Variants in KHDRBS2 observed in about 807,000 individuals in gnomAD.
The protein encoded by KHDRBS2 is KH domain-containing, RNA-binding, signal transduction-associated protein 2.
Under a neutral mutation model 44.3 loss-of-function variants are expected in KHDRBS2, and 26 were observed. The observed-to-expected ratio is 0.59, with a 90% CI of 0.43 to 0.81. The LOEUF (loss-of-function observed/expected upper bound fraction) is 0.81. KHDRBS2 is among the 40% of genes least tolerant of loss of function. KHDRBS2 has a pLI of 0.00. For missense variants in KHDRBS2, 476 were observed against 433.1 expected (o/e 1.10, Z -0.88); for synonymous variants, 194 against 151.1 (o/e 1.28, Z -2.08).
chr6:61,724,011 A>C (rs753394599), intron 7 of KHDRBS2, among the ~76,000 whole-genome samples: 3 of 152,150 alleles, frequency 2.0e-5, no homozygotes, highest in African/African-American at 4.8e-5. Context: ...GCACATAATC[A>C]TCAGATTTTC....
intron 2 of KHDRBS2, among the ~76,000 whole-genome samples, chr6:62,170,932 G>A (rs1463268832): frequency 2.7e-5 from 4 of 146,728 alleles, no homozygotes; most frequent in African/African-American, 1.0e-4. Context: ...AAATGCCAAG[G>A]GCATCAAAGA....
chr6:62,042,571 C>T (rs899883319), intron 3 of KHDRBS2, among the ~76,000 whole-genome samples: 16 of 152,088 alleles, frequency 1.1e-4, no homozygotes, highest in African/African-American at 3.9e-4. Flanking sequence ...GACTTCACCC[C>T]TTCAGGATTT....
chr6:61,581,024 T>A, the KHDRBS2 span, among the ~76,000 whole-genome samples: 2 of 152,184 alleles, frequency 1.3e-5, no homozygotes, highest in Non-Finnish European at 2.9e-5. Context: ...GCACTTTAAA[T>A]CTACGTTATC....
chr6:62,060,451 G>A (rs778298891), intron 2 of KHDRBS2, among the ~76,000 whole-genome samples: 1 of 151,806 alleles, frequency 6.6e-6, no homozygotes, highest in African/African-American at 2.4e-5. Context: ...ATAGATGGGA[G>A]TAATTTAGAG....
chr6:62,047,888 T>C lies in KHDRBS2; in HGVS notation c.326A>G (p.Asp109Gly). The change falls in exon 3 of 9, where the codon GAT (aspartate) becomes GGT (glycine). Residue 109 changes from aspartate to glycine, a missense_variant. Transcript: ENST00000281156. ...TTCAAAGTTCAGTACCTTAGCTTTATCTCTCATTGATCCTTTGCCCAGGAT... is the reference window on the plus strand; with the variant it reads ...TTCAAAGTTCAGTACCTTAGCTTTACCTCTCATTGATCCTTTGCCCAGGAT... ...MSILGKGSMR[D>G]KAKEEELRKS... 2 of 1,600,642 alleles carry C rather than the reference T, an allele frequency of 1.2e-6. No homozygotes were observed. The highest frequency in any genetic ancestry group is 1.7e-6 in the Non-Finnish European group (2 of 1,168,224).
chr6:62,115,262 C>T (rs1805944497), intron 2 of KHDRBS2, among the ~76,000 whole-genome samples: 1 of 152,130 alleles, frequency 6.6e-6, no homozygotes, highest in Non-Finnish European at 1.5e-5. Context: ...TGAGGCCATA[C>T]ATAAGAGCCA....
chr6:62,124,794 AT>A (rs1562920269), intron 2 of KHDRBS2, among the ~76,000 whole-genome samples: 1 of 152,068 alleles, frequency 6.6e-6, no homozygotes, highest in South Asian at 2.1e-4. Context: ...TCAATTTTTA[AT>A]TTTTTTAATA....
chr6:61,743,524 G>A (rs1776438941), intron 6 of KHDRBS2, among the ~76,000 whole-genome samples: 1 of 151,708 alleles, frequency 6.6e-6, no homozygotes, highest in African/African-American at 2.4e-5. Context: ...ACACAATTTG[G>A]GATTTTACCT....
chr6:62,061,300 A>C (rs1791793032), intron 2 of KHDRBS2, among the ~76,000 whole-genome samples: 1 of 151,768 alleles, frequency 6.6e-6, no homozygotes, highest in Non-Finnish European at 1.5e-5. Flanking sequence ...ATGATTTTGC[A>C]GCGGCTGGTA....
At chr6:61,584,490 T>A in the KHDRBS2 span, among the ~76,000 whole-genome samples, 3 of 151,874 alleles carry the variant, frequency 2.0e-5, no homozygotes, top group African/African-American at 7.2e-5. Flanking sequence ...ATTAACTATA[T>A]TGGCTGATTT....
At chr6:61,725,134 T>C (rs768531593) in intron 7 of KHDRBS2, among the ~76,000 whole-genome samples, 1 of 152,016 alleles carries the variant, frequency 6.6e-6, no homozygotes, top group Non-Finnish European at 1.5e-5. Flanking sequence ...TCAAATTTGA[T>C]CTCAAGATTA....
intron 4 of KHDRBS2, among the ~76,000 whole-genome samples, chr6:61,902,154 A>C (rs1432171218): frequency 6.6e-6 from 1 of 152,066 alleles, no homozygotes. Flanking sequence ...GGGTTTCGCC[A>C]TGTTGGCTGG....
chr6:61,544,709 A>C, the KHDRBS2 span, among the ~76,000 whole-genome samples: 10 of 152,136 alleles, frequency 6.6e-5, no homozygotes, highest in Non-Finnish European at 1.2e-4. Flanking sequence ...GACTGGATTA[A>C]GAAAATGTGG....
the KHDRBS2 span, among the ~76,000 whole-genome samples, chr6:61,640,053 T>C: frequency 3.9e-5 from 6 of 152,088 alleles, no homozygotes; most frequent in Non-Finnish European, 8.8e-5. Context: ...TAATGGATGA[T>C]ACTAAGAATC....
At chr6:61,558,472 G>T in the KHDRBS2 span, among the ~76,000 whole-genome samples, 1 of 152,116 alleles carries the variant, frequency 6.6e-6, no homozygotes, top group Non-Finnish European at 1.5e-5. Context: ...TGAGATAGGA[G>T]GATAGCTTGA....
chr6:62,262,077 T>C (rs189476157), intron 1 of KHDRBS2, among the ~76,000 whole-genome samples: 2 of 151,924 alleles, frequency 1.3e-5, no homozygotes, highest in East Asian at 1.9e-4. Flanking sequence ...GTAAAGTGCA[T>C]CAGAATTTCA....
At chr6:61,607,101 T>C in the KHDRBS2 span, among the ~76,000 whole-genome samples, 1 of 151,780 alleles carries the variant, frequency 6.6e-6, no homozygotes, top group Non-Finnish European at 1.5e-5. Context: ...TTAATTTTTT[T>C]TGGAAAAAGT....
At chr6:61,886,867 T>C (rs912345894) in intron 6 of KHDRBS2, among the ~76,000 whole-genome samples, 1 of 152,228 alleles carries the variant, frequency 6.6e-6, no homozygotes, top group Non-Finnish European at 1.5e-5. Flanking sequence ...ACAGTTTTTA[T>C]ATTTCCAGCA....
chr6:61,851,419 C>A (rs969026577), intron 6 of KHDRBS2, among the ~76,000 whole-genome samples: 47 of 152,004 alleles, frequency 3.1e-4, no homozygotes, highest in South Asian at 2.1e-4. Flanking sequence ...GAATTCCTAA[C>A]CCCCAGTACC....
Sources: allele counts gnomAD v4.1 joint callset (sites outside exome capture counted in the v4.1 genomes callset), GRCh38; gene constraint gnomAD v4.1.1; transcripts MANE v1.5; gene names NCBI Gene and HGNC (gene_info 2026-07-23, HGNC 2026-07-21).